The following USP28 variants were observed in gnomAD, a reference collection of about 807,000 sequenced individuals.
USP28 encodes ubiquitin specific peptidase 28.
A neutral mutation model predicts 145.0 loss-of-function variants in USP28; 113 were observed. That is an observed-to-expected ratio of 0.78 (90% confidence interval 0.67 to 0.91). The LOEUF (loss-of-function observed/expected upper bound fraction) is 0.91, where lower values mean the gene tolerates loss of function less well. Among genes scored for constraint, USP28 ranks in the 40% least tolerant of loss-of-function variants. The probability of loss-of-function intolerance (pLI) is 0.00; values close to 1 mark genes in which losing one functional copy is unlikely to be tolerated. For missense variants in USP28, 1,201 were observed against 1,289.6 expected, an observed-to-expected ratio of 0.93 and a Z score of 1.05; for synonymous variants, 447 against 450.9, an observed-to-expected ratio of 0.99 and a Z score of 0.11.
At chr11:113,841,597 A>G in intron 4 of USP28, 66 bp downstream of exon 4, 3 of 989,812 alleles carry the variant, frequency 3.0e-6, no homozygotes, top group Non-Finnish European at 4.6e-6. Context: ...AGTGGCATTC[A>G]CAGAGCTGTT....
intron 9 of USP28, among the ~76,000 whole-genome samples, chr11:113,830,080 A>C (rs1472474632): frequency 6.6e-6 from 1 of 152,170 alleles, no homozygotes; most frequent in East Asian, 1.9e-4. Flanking sequence ...CAGAACAAAC[A>C]ACCCAGTTTC....
At chr11:113,815,088 C>A in intron 14 of USP28, 86 bp downstream of exon 14, 1 of 1,168,108 alleles carries the variant, frequency 8.6e-7, no homozygotes, top group Admixed American at 2.1e-5. Flanking sequence ...ACAGTAATGT[C>A]AGGAAGTGTA....
chr11:113,824,908 G>C (rs1943117320), intron 11 of USP28, among the ~76,000 whole-genome samples: 1 of 143,140 alleles, frequency 7.0e-6, no homozygotes, highest in Non-Finnish European at 1.5e-5. Context: ...TCCAGCCTGG[G>C]CAACAAGAGC....
intron 11 of USP28, among the ~76,000 whole-genome samples, chr11:113,826,775 C>T (rs1167386855): frequency 1.3e-5 from 2 of 151,512 alleles, no homozygotes; most frequent in Admixed American, 6.6e-5. Flanking sequence ...TAAAATTAGC[C>T]GGGTGTGGTG....
chr11:113,875,113 T>C (rs1351343880), intron 1 of USP28, among the ~76,000 whole-genome samples: 1 of 152,138 alleles, frequency 6.6e-6, no homozygotes, highest in Non-Finnish European at 1.5e-5. Flanking sequence ...CTTTCGGAAG[T>C]TTCTCACCCC....
chr11:113,829,450 A>G, intron 9 of USP28, 105 bp from the exon 10 acceptor site: 1 of 1,419,282 alleles, frequency 7.0e-7, no homozygotes, highest in Non-Finnish European at 9.6e-7. Flanking sequence ...ACTTCCTGAT[A>G]GCTGGTTAGA....
At chr11:113,833,607 C>A (rs1209189375) in intron 6 of USP28, 50 bp from the exon 7 acceptor site, 1 of 1,560,888 alleles carries the variant, frequency 6.4e-7, no homozygotes, top group South Asian at 1.2e-5. Context: ...TTTAGAAAAT[C>A]AGAACGTGTA....
Position 113,798,132 on chromosome 11 carries a change from G to C in USP28, c.*1108C>G, listed in dbSNP as rs1175370210. On this transcript the variant is annotated 3_prime_UTR_variant, in exon 25 of 25. Coordinates refer to ENST00000003302, the Ensembl canonical transcript of USP28. ...CCTTACTTTTAAGGGCAAAAAAGAA[G>C]GCCGGGTACGATGACTTGTCTGCAA... The C allele has an allele frequency of 4.1e-5, 5 of 123,276 alleles. No individual in the cohort carries two copies. The Admixed American group carries it at 5.0e-4, about 12-fold the overall frequency. The allele number at this position is 123,276 out of a possible 1,614,324, so 7.6% of individuals were successfully genotyped here.
chr11:113,846,265 T>G (rs1945836790), intron 3 of USP28, among the ~76,000 whole-genome samples: 1 of 152,226 alleles, frequency 6.6e-6, no homozygotes, highest in African/African-American at 2.4e-5. Flanking sequence ...TGAATTTATT[T>G]AATATTTCTG....
intron 13 of USP28, among the ~76,000 whole-genome samples, chr11:113,816,973 C>T (rs969402302): frequency 1.2e-4 from 18 of 151,944 alleles, no homozygotes; most frequent in African/African-American, 2.2e-4. Context: ...ATACGTGGGG[C>T]GGTGGCGGGG....
chr11:113,813,823 T>C, intron 15 of USP28, 62 bp downstream of exon 15: 1 of 1,347,514 alleles, frequency 7.4e-7, no homozygotes, highest in Non-Finnish European at 1.1e-6. Flanking sequence ...ACTATCAAAT[T>C]TGATTTTTGT....
intron 10 of USP28, chr11:113,828,853 TA>T: frequency 2.0e-6 from 1 of 496,596 alleles, no homozygotes; most frequent in South Asian, 1.5e-5. Flanking sequence ...CCATAGGAGT[TA>T]ATCACTGTAC....
intron 16 of USP28, 77 bp downstream of exon 16, chr11:113,812,199 A>T: frequency 1.0e-6 from 1 of 1,004,488 alleles, no homozygotes; most frequent in Non-Finnish European, 1.5e-6. Flanking sequence ...ATTTTTTAAA[A>T]AGCAGTACAA....
chr11:113,840,303 A>G (rs1945055749), intron 5 of USP28, among the ~76,000 whole-genome samples: 1 of 150,360 alleles, frequency 6.7e-6, no homozygotes, highest in African/African-American at 2.4e-5. Flanking sequence ...CTGGATAGCT[A>G]TGATAGCCTT....
At chr11:113,841,629 G>A in intron 4 of USP28, 34 bp downstream of exon 4, 1 of 1,450,714 alleles carries the variant, frequency 6.9e-7, no homozygotes, top group Non-Finnish European at 9.6e-7. Flanking sequence ...ACACACAAAT[G>A]TGGGGGGCAA....
At chr11:113,872,659 G>A (rs910214704) in intron 1 of USP28, among the ~76,000 whole-genome samples, 2 of 152,238 alleles carry the variant, frequency 1.3e-5, no homozygotes, top group Non-Finnish European at 2.9e-5. Flanking sequence ...AAACTGGCAG[G>A]TTTTTATAAG....
At chr11:113,851,928 C>T (rs903616368) in intron 3 of USP28, among the ~76,000 whole-genome samples, 5 of 152,302 alleles carry the variant, frequency 3.3e-5, no homozygotes, top group Non-Finnish European at 7.3e-5. Flanking sequence ...TCTTCTCCCA[C>T]TAAAAAACAA....
intron 2 of USP28, among the ~76,000 whole-genome samples, 181 bp downstream of exon 2, chr11:113,854,077 A>G (rs1028348716): frequency 2.0e-5 from 3 of 152,106 alleles, no homozygotes; most frequent in Non-Finnish European, 4.4e-5. Flanking sequence ...TACCCGAACC[A>G]CAAATCTCCC....
rs58744706 is a variant in USP28 at position 113,804,361 on chromosome 11, G to A, written c.2658+312C>T. 5.2e-3 allele frequency among the ~76,000 whole-genome samples: 797 copies of A among 152,256 alleles called. 5 individuals carry two copies. Among genetic ancestry groups the A allele is most frequent in the African/African-American group, 0.014 (561 of 41,534 alleles). Reference sequence around the variant, plus strand: ...CATGTGTAGCTATGTATTTTAATGCGTATTTTTAAAACTTTATCATTTAAA... The same window carrying A: ...CATGTGTAGCTATGTATTTTAATGCATATTTTTAAAACTTTATCATTTAAA... On this transcript the variant is annotated intron_variant, in intron 21 of 24. Coordinates refer to ENST00000003302, the Ensembl canonical transcript of USP28.
Sources: allele counts gnomAD v4.1 joint callset (sites outside exome capture counted in the v4.1 genomes callset), GRCh38; gene constraint gnomAD v4.1.1; transcripts MANE v1.5; gene names NCBI Gene and HGNC (gene_info 2026-07-23, HGNC 2026-07-21).